Variants in ENTREP2 observed in about 807,000 individuals in gnomAD.
ENTREP2 encodes endosomal transmembrane epsin interactor 2, also known as protein ENTREP2.
chr15:29,383,436 C>G, the ENTREP2 span, among the ~76,000 whole-genome samples: 1 of 152,218 alleles, frequency 6.6e-6, no homozygotes, highest in Non-Finnish European at 1.5e-5. Flanking sequence ...GGCTAAGGCT[C>G]ACTCAACAGG....
chr15:29,154,788 C>T, the ENTREP2 span, among the ~76,000 whole-genome samples: 2 of 152,216 alleles, frequency 1.3e-5, no homozygotes, highest in African/African-American at 4.8e-5. Context: ...ATTCCCTGTT[C>T]TCCTACAAAC....
chr15:29,288,878 T>C, the ENTREP2 span, among the ~76,000 whole-genome samples: 1 of 152,046 alleles, frequency 6.6e-6, no homozygotes, highest in Non-Finnish European at 1.5e-5. Flanking sequence ...CACAAATAAC[T>C]CAATGACGGG....
the ENTREP2 span, chr15:29,269,830 G>T: frequency 1.1e-6 from 1 of 922,264 alleles, no homozygotes; most frequent in Non-Finnish European, 1.5e-6. Context: ...ACTGCGTGCT[G>T]CGTCATGAAG....
chr15:29,445,434 G>A, the ENTREP2 span, among the ~76,000 whole-genome samples: 1 of 152,080 alleles, frequency 6.6e-6, no homozygotes, highest in Admixed American at 6.5e-5. Flanking sequence ...CTTAGGGAAG[G>A]GAAGAGGGGC....
At chr15:29,291,964 T>G in the ENTREP2 span, among the ~76,000 whole-genome samples, 1 of 152,132 alleles carries the variant, frequency 6.6e-6, no homozygotes, top group Non-Finnish European at 1.5e-5. Flanking sequence ...CTGTGAGGTC[T>G]GAAAAACTGC....
chr15:29,612,035 G>A, the ENTREP2 span, among the ~76,000 whole-genome samples: 2 of 152,160 alleles, frequency 1.3e-5, no homozygotes, highest in Non-Finnish European at 2.9e-5. Flanking sequence ...TTTTACAAAC[G>A]TGGCAACTCT....
the ENTREP2 span, among the ~76,000 whole-genome samples, chr15:29,158,315 G>A: frequency 6.6e-6 from 1 of 151,596 alleles, no homozygotes; most frequent in South Asian, 2.1e-4. Context: ...TTAAATACTT[G>A]ATGTTTTTCT....
the ENTREP2 span, among the ~76,000 whole-genome samples, chr15:29,307,494 A>G: frequency 4.3e-4 from 66 of 152,368 alleles, no homozygotes; most frequent in Admixed American, 7.8e-4. Flanking sequence ...AAATATGAAC[A>G]TAGCAAAACA....
At chr15:29,669,239 G>T in the ENTREP2 span, among the ~76,000 whole-genome samples, 1 of 152,176 alleles carries the variant, frequency 6.6e-6, no homozygotes, top group Admixed American at 6.5e-5. Flanking sequence ...ACAAAAAACA[G>T]GTGATTGTGT....
the ENTREP2 span, among the ~76,000 whole-genome samples, chr15:29,584,650 G>T: frequency 1.3e-5 from 2 of 152,142 alleles, no homozygotes; most frequent in South Asian, 2.1e-4. Context: ...AATAGTGGCT[G>T]CCAGGGACTT....
At chr15:29,294,733 TTGACAGAAAATATTG>T in the ENTREP2 span, among the ~76,000 whole-genome samples, 1 of 152,210 alleles carries the variant, frequency 6.6e-6, no homozygotes, top group Non-Finnish European at 1.5e-5. Flanking sequence ...AGCAACGTGG[TTGACAGAAAATATTG>T]TGCTTTCTTT....
the ENTREP2 span, among the ~76,000 whole-genome samples, chr15:29,431,415 T>C: frequency 1.3e-5 from 2 of 152,154 alleles, no homozygotes; most frequent in Non-Finnish European, 2.9e-5. Flanking sequence ...TTAGACTGCT[T>C]TGAGTCATTC....
chr15:29,298,780 T>C, the ENTREP2 span, among the ~76,000 whole-genome samples: 2 of 152,316 alleles, frequency 1.3e-5, no homozygotes, highest in South Asian at 2.1e-4. Flanking sequence ...TTAATTCTAA[T>C]GACCATTTAA....
At chr15:29,390,635 T>C in the ENTREP2 span, among the ~76,000 whole-genome samples, 1 of 152,134 alleles carries the variant, frequency 6.6e-6, no homozygotes, top group Non-Finnish European at 1.5e-5. Context: ...TGCCGGGAAA[T>C]AATGGCATCC....
chr15:29,456,591 T>G, the ENTREP2 span, among the ~76,000 whole-genome samples: 2 of 152,178 alleles, frequency 1.3e-5, no homozygotes, highest in African/African-American at 4.8e-5. Flanking sequence ...GCAAGGAGCA[T>G]GTGGGACAGT....
chr15:29,209,874 G>A, the ENTREP2 span, among the ~76,000 whole-genome samples: 1 of 152,164 alleles, frequency 6.6e-6, no homozygotes, highest in African/African-American at 2.4e-5. Context: ...CTGGCATCGG[G>A]TGGCTGCTCA....
the ENTREP2 span, among the ~76,000 whole-genome samples, chr15:29,135,213 G>A: frequency 6.6e-6 from 1 of 151,914 alleles, no homozygotes; most frequent in Non-Finnish European, 1.5e-5. The surrounding 1 kb of genome is among the most constrained non-coding windows in gnomAD (Gnocchi z 7.4). Context: ...AGTCCCCGAG[G>A]CCTCCAGGAC....
At chr15:29,212,727 T>C in the ENTREP2 span, among the ~76,000 whole-genome samples, 1 of 152,218 alleles carries the variant, frequency 6.6e-6, no homozygotes, top group South Asian at 2.1e-4. Context: ...AATTTCCATC[T>C]TGATTTCATT....
At chr15:29,221,495 C>T in the ENTREP2 span, among the ~76,000 whole-genome samples, 7 of 152,056 alleles carry the variant, frequency 4.6e-5, no homozygotes, top group African/African-American at 2.4e-5. Flanking sequence ...CCACCACGAC[C>T]GACACTTTCA....
Sources: allele counts gnomAD v4.1 joint callset (sites outside exome capture counted in the v4.1 genomes callset), GRCh38; gene constraint gnomAD v4.1.1; non-coding constraint Gnocchi (gnomAD v3.1); transcripts MANE v1.5; gene names NCBI Gene and HGNC (gene_info 2026-07-23, HGNC 2026-07-21).